The following SH3RF3 variants were observed in gnomAD, a reference collection of about 807,000 sequenced individuals.
SH3RF3 encodes the protein E3 ubiquitin-protein ligase SH3RF3.
Under a neutral mutation model 66.3 loss-of-function variants are expected in SH3RF3, and 29 were observed. That is an observed-to-expected ratio of 0.44 (90% CI 0.33 to 0.60). The LOEUF is 0.60. Among genes scored for constraint, SH3RF3 ranks in the 20% least tolerant of loss-of-function variants. The pLI is 0.04. For missense variants in SH3RF3, 1,194 were observed against 1,190.9 expected, an observed-to-expected ratio of 1.00 and a Z score of -0.04; for synonymous variants, 583 against 532.0, an observed-to-expected ratio of 1.10 and a Z score of -1.32.
intron 2 of SH3RF3, among the ~76,000 whole-genome samples, chr2:109,367,201 T>G (rs1181690977): frequency 6.6e-6 from 1 of 150,828 alleles, no homozygotes; most frequent in Admixed American, 6.7e-5. Context: ...TGGCCTCAAG[T>G]GATCTGCCTA....
At chr2:109,473,443 A>G (rs1011453858) in intron 8 of SH3RF3, among the ~76,000 whole-genome samples, 8 of 152,122 alleles carry the variant, frequency 5.3e-5, no homozygotes, top group African/African-American at 1.4e-4. Context: ...CTGAGCCCCT[A>G]TTTTATTTGG....
chr2:109,325,331 C>CTTTTTTTT (rs11298946), intron 1 of SH3RF3, among the ~76,000 whole-genome samples: 91 of 66,258 alleles, frequency 1.4e-3, no homozygotes, highest in Middle Eastern at 0.012. Context: ...TTCTTTCTTT[C>CTTTTTTTT]TTTTTTTTTT....
chr2:109,279,766 C>T (rs1202433381), intron 1 of SH3RF3, among the ~76,000 whole-genome samples: 9 of 152,022 alleles, frequency 5.9e-5, no homozygotes, highest in African/African-American at 2.2e-4. Flanking sequence ...ACTTCGCAGA[C>T]GCTGACCTCG....
intron 1 of SH3RF3, among the ~76,000 whole-genome samples, chr2:109,137,745 A>T (rs1446999723): frequency 6.6e-6 from 1 of 152,212 alleles, no homozygotes; most frequent in Non-Finnish European, 1.5e-5. Flanking sequence ...ATTAGACACC[A>T]CCCGTCCTGA....
At chr2:109,254,350 G>A (rs1680169203) in intron 1 of SH3RF3, among the ~76,000 whole-genome samples, 2 of 152,158 alleles carry the variant, frequency 1.3e-5, no homozygotes, top group South Asian at 4.1e-4. Flanking sequence ...TCCTGTGCAA[G>A]TTGGCCTCTC....
At chr2:109,179,506 G>A (rs1425001979) in intron 1 of SH3RF3, among the ~76,000 whole-genome samples, 1 of 152,182 alleles carries the variant, frequency 6.6e-6, no homozygotes, top group Non-Finnish European at 1.5e-5. Flanking sequence ...CAAAGAGTGG[G>A]TAACTTATAA....
At chr2:109,147,989 G>C (rs766021557) in intron 1 of SH3RF3, among the ~76,000 whole-genome samples, 1 of 152,190 alleles carries the variant, frequency 6.6e-6, no homozygotes, top group Non-Finnish European at 1.5e-5. Flanking sequence ...CTTAAGATCT[G>C]TGGGCCCCTC....
chr2:109,319,263 G>A (rs992822949), intron 1 of SH3RF3, among the ~76,000 whole-genome samples: 43 of 152,322 alleles, frequency 2.8e-4, no homozygotes, highest in African/African-American at 9.6e-4. Context: ...TTTTGGAGTT[G>A]AGAAAGAGTT....
chr2:109,252,095 A>AAAT (rs36052184), intron 1 of SH3RF3, among the ~76,000 whole-genome samples: 113,858 of 151,432 alleles, frequency 0.75, 43,334 homozygotes, highest in East Asian at 0.89. Context: ...AAAAATACAA[A>AAAT]TAGCTGAGTG....
intron 2 of SH3RF3, among the ~76,000 whole-genome samples, chr2:109,365,084 C>T (rs139845331): frequency 7.3e-4 from 100 of 136,364 alleles, no homozygotes; most frequent in Non-Finnish European, 1.3e-3. Context: ...ACAAAACATC[C>T]CAATGGGTGA....
intron 1 of SH3RF3, among the ~76,000 whole-genome samples, chr2:109,279,413 G>C (rs947705667): frequency 1.3e-5 from 2 of 152,210 alleles, no homozygotes; most frequent in African/African-American, 4.8e-5. Flanking sequence ...TGGAGTGACT[G>C]TCCCTTGACC....
chr2:109,309,335 A>G (rs1338295352), intron 1 of SH3RF3, among the ~76,000 whole-genome samples: 3 of 150,674 alleles, frequency 2.0e-5, no homozygotes, highest in African/African-American at 7.4e-5. Context: ...CTGAGACAAA[A>G]GAGCTCCTGA....
chr2:109,431,167 A>G (rs10183061), intron 5 of SH3RF3, among the ~76,000 whole-genome samples: 92,912 of 152,034 alleles, frequency 0.61, 28,590 homozygotes, highest in Non-Finnish European at 0.62. Context: ...GGAGGGTGCA[A>G]TGGTGGGGTC....
intron 1 of SH3RF3, among the ~76,000 whole-genome samples, chr2:109,167,261 T>C (rs1228209945): frequency 2.0e-5 from 3 of 152,206 alleles, no homozygotes; most frequent in Non-Finnish European, 4.4e-5. Context: ...GCTACCAATT[T>C]ATGTAGCTGC....
At chr2:109,157,527 A>C (rs1677375718) in intron 1 of SH3RF3, among the ~76,000 whole-genome samples, 1 of 152,136 alleles carries the variant, frequency 6.6e-6, no homozygotes, top group Admixed American at 6.5e-5. Flanking sequence ...AGATAATCTC[A>C]TTGGGTCTTC....
chr2:109,367,743 A>C (rs1043000684), intron 2 of SH3RF3, among the ~76,000 whole-genome samples: 2 of 152,214 alleles, frequency 1.3e-5, no homozygotes, highest in African/African-American at 4.8e-5. Context: ...CTCTAGTTTA[A>C]CAAACACTGT....
chr2:109,480,840 C>G (rs943683490), intron 8 of SH3RF3, among the ~76,000 whole-genome samples: 4 of 152,076 alleles, frequency 2.6e-5, no homozygotes, highest in African/African-American at 9.7e-5. Context: ...GAGGGCGGTT[C>G]GCTGTTCTCT....
intron 7 of SH3RF3, among the ~76,000 whole-genome samples, chr2:109,438,936 A>G (rs7587339): frequency 0.097 from 14,774 of 152,142 alleles, 1,690 homozygotes; most frequent in African/African-American, 0.27. Context: ...AAATGTTTCC[A>G]CATGCACCAG....
intron 6 of SH3RF3, among the ~76,000 whole-genome samples, chr2:109,434,927 G>A (rs767044642): frequency 1.7e-4 from 26 of 152,196 alleles, no homozygotes; most frequent in Non-Finnish European, 2.6e-4. Flanking sequence ...CTGCCAGGGA[G>A]TTTGTTATGG....
Sources: gnomAD v4.1 joint callset for allele counts (sites outside exome capture counted in the v4.1 genomes callset) on GRCh38, gnomAD v4.1.1 for gene constraint, MANE v1.5 for transcripts, NCBI Gene and HGNC (gene_info 2026-07-23, HGNC 2026-07-21) for gene names.